The following ETFDH variants were observed in gnomAD, a reference collection of about 807,000 sequenced individuals.
The protein encoded by ETFDH is electron transfer flavoprotein-ubiquinone oxidoreductase, mitochondrial.
A neutral mutation model predicts 73.2 loss-of-function variants in ETFDH; 61 were observed. The observed-to-expected ratio is 0.83, with a 90% CI of 0.68 to 1.03. The LOEUF is 1.03. Ranked by LOEUF, ETFDH falls within the 50% of genes least tolerant of loss-of-function variation. The pLI is 0.00. For missense variants in ETFDH, 685 were observed against 745.0 expected (o/e 0.92, Z 0.94); for synonymous variants, 243 against 253.3 (o/e 0.96, Z 0.39).
chr4:158,672,434 C>T lies in ETFDH; in HGVS notation c.-23C>T, dbSNP rs1668528270. 1.9e-6 allele frequency: 3 copies of T among 1,614,004 alleles called. No homozygotes were observed. The highest frequency in any genetic ancestry group is 2.2e-5 in the East Asian group (1 of 44,880). ...GGACAGTCCTCCTGTTGTGTCCGAC[C>T]GAGAGTCCTGGTGACTTTGAACATG... On this transcript the variant is annotated 5_prime_UTR_variant, in exon 1 of 13. Transcript: ENST00000511912.
At position 158,695,551 on chromosome 4, in the gene ETFDH, G is replaced by C. The variant is rs758218892; in HGVS notation, c.739G>C (p.Gly247Arg). ...TGCTAAAGTCACAATTTTTGCAGAA[G>C]GTTGCCATGGACATCTAGCCAAGCA... The part of the protein sequence containing the change: ...LHAKVTIFAE[G>R]CHGHLAKQLY... The change falls in exon 7 of 13, where the codon GGT becomes CGT. Residue 247 changes from glycine (G) to arginine (R), a missense_variant. By Grantham distance (125) the Gly-to-Arg change is moderately radical (BLOSUM62 -2). This residue lies in a region of ETFDH where 405 missense variants were observed against 399.3 expected (regional missense o/e 1.01). Coordinates refer to ENST00000511912, the MANE Select transcript of ETFDH (RefSeq NM_004453.4). 1 of 1,612,764 alleles carries C rather than the reference G, an allele frequency of 6.2e-7. No individual in the cohort carries two copies. Among genetic ancestry groups the C allele is most frequent in the Non-Finnish European group, 8.5e-7 (1 of 1,178,964 alleles).
intron 8 of ETFDH, 44 bp downstream of exon 8, chr4:158,697,743 T>C (rs748342892): frequency 3.3e-6 from 5 of 1,537,512 alleles, no homozygotes; most frequent in Non-Finnish European, 3.6e-6. Context: ...GCTAGAGTTA[T>C]ATTACCATCA....
chr4:158,687,028 G>T (rs947285799), intron 5 of ETFDH, among the ~76,000 whole-genome samples: 1 of 152,134 alleles, frequency 6.6e-6, no homozygotes, highest in African/African-American at 2.4e-5. Context: ...GACTTTAGGG[G>T]GATAGTAGGT....
At position 158,682,273 on chromosome 4, in the gene ETFDH, T is replaced by C. The variant is rs755980022; in HGVS notation, c.254T>C (p.Val85Ala). The stretch of plus-strand genomic sequence containing the variant: ...GGCCCTGCAGGGCTCTCTGCAGCTG[T>C]TCGTCTAAAACAGTTGGCTGTGGCA... ...GAGPAGLSAA[V>A]RLKQLAVAHE... Residue 85 changes from valine (V) to alanine (A), a missense_variant, in exon 3 of 13, where the codon GTT (valine) becomes GCT (alanine). By Grantham distance (64) the Val-to-Ala change is moderately conservative (BLOSUM62 0). Coordinates refer to ENST00000511912, the MANE Select transcript of ETFDH (RefSeq NM_004453.4). The C allele has an allele frequency of 1.2e-6, 2 of 1,614,168 alleles. No homozygotes were observed. The highest frequency in any genetic ancestry group is 8.5e-7 in the Non-Finnish European group (1 of 1,180,024).
intron 1 of ETFDH, 80 bp from the exon 2 acceptor site, chr4:158,680,387 A>C: frequency 1.1e-6 from 1 of 929,260 alleles, no homozygotes; most frequent in South Asian, 1.3e-5. Flanking sequence ...CATTGAGTAT[A>C]GTCATTCACT....
intron 8 of ETFDH, among the ~76,000 whole-genome samples, 191 bp downstream of exon 8, chr4:158,697,890 G>A (rs1774354135): frequency 6.6e-6 from 1 of 152,222 alleles, no homozygotes; most frequent in Non-Finnish European, 1.5e-5. Flanking sequence ...AATAGCAATA[G>A]TAGCTGCTAC....
chr4:158,686,929 G>A (rs1407711373), intron 5 of ETFDH, among the ~76,000 whole-genome samples: 2 of 149,350 alleles, frequency 1.3e-5, no homozygotes, highest in East Asian at 3.9e-4. Context: ...TGCATGAAGG[G>A]AATATTACAG....
intron 5 of ETFDH, among the ~76,000 whole-genome samples, chr4:158,687,871 T>C (rs955063258): frequency 1.3e-5 from 2 of 151,436 alleles, no homozygotes; most frequent in Non-Finnish European, 2.9e-5. Flanking sequence ...AAACCCCGTC[T>C]CTACTAAAAA....
intron 11 of ETFDH, 99 bp downstream of exon 11, chr4:158,706,470 G>T: frequency 8.5e-7 from 1 of 1,181,340 alleles, no homozygotes; most frequent in Non-Finnish European, 1.2e-6. Flanking sequence ...TCAACTTGGA[G>T]AAATTATAAA....
intron 2 of ETFDH, 114 bp downstream of exon 2, chr4:158,680,721 G>C (rs1773833582): frequency 7.4e-6 from 7 of 939,854 alleles, no homozygotes; most frequent in Non-Finnish European, 1.2e-5. Context: ...AATATTTTGT[G>C]GCTTTACCAA....
intron 10 of ETFDH, 48 bp downstream of exon 10, chr4:158,703,639 G>T (rs1434560620): frequency 8.7e-7 from 1 of 1,149,150 alleles, no homozygotes; most frequent in East Asian, 2.3e-5. Context: ...GCTGGGTTAT[G>T]TGTATTTCAA....
At position 158,705,896 on chromosome 4, in the gene ETFDH, C is replaced by T. The variant is rs564421763; in HGVS notation, c.1286-293C>T. Among the ~76,000 whole-genome samples the T allele has an allele frequency of 2.0e-5, 3 of 152,306 alleles. No homozygotes were observed. In the East Asian group the frequency reaches 5.8e-4, roughly 29 times the overall value. ...AGCAGTTCAAGACCAGCCTGGGCAA[C>T]ATGGCAAAACCCTCTTTCTACCAAA... On this transcript the variant is annotated intron_variant, in intron 10 of 12. Transcript: ENST00000511912.
In ETFDH at chr4:158,680,559, A is replaced by G; in HGVS notation, c.127A>G (p.Thr43Ala). The change falls in exon 2 of 13, where the codon ACT (threonine) becomes GCT (alanine). Residue 43 changes from threonine to alanine, a missense_variant. By Grantham distance (58) the Thr-to-Ala change is moderately conservative. Transcript: ENST00000511912. ...WSSTSTVPRI[T>A]THYTIYPRDK... Reference sequence around the variant, plus strand: ...TTCAACTTCTACTGTGCCTCGAATTACTACCCATTATACTATTTATCCCCG... The same window carrying G: ...TTCAACTTCTACTGTGCCTCGAATTGCTACCCATTATACTATTTATCCCCG... 3.1e-6 allele frequency: 5 copies of G among 1,608,254 alleles called. No homozygotes were observed. The highest frequency in any genetic ancestry group is 4.3e-6 in the Non-Finnish European group (5 of 1,174,740).
chr4:158,696,762 G>A (rs947971485), intron 7 of ETFDH, among the ~76,000 whole-genome samples: 11 of 152,050 alleles, frequency 7.2e-5, no homozygotes, highest in African/African-American at 2.7e-4. Flanking sequence ...CAGGGTAGAG[G>A]GAATAAATTG....
At chr4:158,701,478 A>G (rs865853004) in intron 9 of ETFDH, among the ~76,000 whole-genome samples, 26 of 152,278 alleles carry the variant, frequency 1.7e-4, no homozygotes, top group African/African-American at 6.0e-4. Context: ...CATTCCCCAC[A>G]TATACTGTGA....
intron 10 of ETFDH, among the ~76,000 whole-genome samples, chr4:158,705,727 T>A (rs773325958): frequency 6.6e-6 from 1 of 152,242 alleles, no homozygotes; most frequent in Non-Finnish European, 1.5e-5. Context: ...TTTTGGAAGA[T>A]GCCAACATTT....
chr4:158,701,908 C>T (rs573550026), intron 9 of ETFDH, among the ~76,000 whole-genome samples: 1 of 152,226 alleles, frequency 6.6e-6, no homozygotes, highest in African/African-American at 2.4e-5. Context: ...ATATCCCACC[C>T]TTATTACATT....
At position 158,708,374 on chromosome 4, in the gene ETFDH, A is replaced by G. The variant is rs773227470; in HGVS notation, c.1701A>G (p.Glu567=). ...EQRFCPAGVY[E]FVPVEQGDGF... ...ATTTTTACTTTTCAGGAGTTTATGAATTTGTACCTGTGGAACAAGGTGATG... is the reference window on the plus strand; with the variant it reads ...ATTTTTACTTTTCAGGAGTTTATGAGTTTGTACCTGTGGAACAAGGTGATG... Residue 567 remains glutamate, a synonymous_variant, in exon 13 of 13, where the codon GAA becomes GAG. Transcript: ENST00000511912. 1 of 1,611,282 alleles carries G rather than the reference A, an allele frequency of 6.2e-7. No individual in the cohort carries two copies. Among genetic ancestry groups the G allele is most frequent in the East Asian group, 2.2e-5 (1 of 44,840 alleles).
intron 6 of ETFDH, among the ~76,000 whole-genome samples, chr4:158,693,140 G>A (rs775134851): frequency 1.3e-5 from 2 of 152,086 alleles, no homozygotes; most frequent in South Asian, 2.1e-4. Context: ...TTCTCCCTGC[G>A]ATTTCACTGA....
Sources: gnomAD v4.1 joint callset for allele counts (sites outside exome capture counted in the v4.1 genomes callset) on GRCh38, gnomAD v4.1.1 for gene constraint, gnomAD v4.1.1 regional missense constraint, MANE v1.5 for transcripts, NCBI Gene and HGNC (gene_info 2026-07-23, HGNC 2026-07-21) for gene names.